PLEC: variants seen among roughly 807,000 people sequenced by gnomAD.
PLEC encodes the protein plectin.
PLEC carries 216 observed loss-of-function variants against 392.8 expected under a neutral mutation model. The observed-to-expected ratio is 0.55, with a 90% confidence interval of 0.49 to 0.62. PLEC has a LOEUF of 0.62. Ranked by LOEUF, PLEC falls within the 20% of genes least tolerant of loss-of-function variation. PLEC has a pLI of 0.00. For synonymous variants in PLEC, 3,621 were observed against 2,980.6 expected (o/e 1.21, Z -7.00); for missense variants, 6,863 against 6,563.4 (o/e 1.05, Z -1.58).
At position 143,916,026 on chromosome 8, in the gene PLEC, G is replaced by A. The variant is rs781910589; in HGVS notation, c.*151C>T. ...CCCCAAGATACAGGCTGTCTGGACA[G>A]CAGATATATATTAATATATTAGTCT... On this transcript the variant is annotated 3_prime_UTR_variant, in exon 32 of 32. Transcript: ENST00000345136. The A allele has an allele frequency of 2.0e-4, 116 of 570,814 alleles. No individual in the cohort carries two copies. Among genetic ancestry groups the A allele is most frequent in the Non-Finnish European group, 1.6e-4 (55 of 333,460 alleles). 35.4% of individuals were successfully genotyped at this position (570,814 alleles called of 1,614,324 possible).
At chr8:143,930,716 C>T (rs1332185613) in intron 19 of PLEC, among the ~76,000 whole-genome samples, 180 bp from the exon 20 acceptor site, 1 of 152,114 alleles carries the variant, frequency 6.6e-6, no homozygotes, top group Non-Finnish European at 1.5e-5. Flanking sequence ...CAGACCCATG[C>T]ACCCTCGCTC....
rs782746248 is a variant in PLEC at position 143,926,810 on chromosome 8, T to G, written c.4018A>C (p.Thr1340Pro). 1 of 1,613,556 alleles carries G rather than the reference T, an allele frequency of 6.2e-7. No individual in the cohort carries two copies. The highest frequency in any genetic ancestry group is 1.3e-5 in the African/African-American group (1 of 74,874). The change falls in exon 30 of 32, where the codon ACT becomes CCT. Residue 1340 changes from threonine (T) to proline (P), a missense_variant. By Grantham distance (38) the Thr-to-Pro change is conservative (BLOSUM62 -1). Coordinates refer to ENST00000345136, the MANE Select transcript of PLEC (RefSeq NM_201384.3). ...TCCTCCTCCTCCATGCGCCGCAGAG[T>G]CTCGCTGATGAACTTGATGTACTGG... ...TSQYIKFISE[T>P]LRRMEEEERL...
At chr8:143,960,955 C>G (rs1554740674) in intron 1 of PLEC, among the ~76,000 whole-genome samples, 1 of 152,234 alleles carries the variant, frequency 6.6e-6, no homozygotes, top group Non-Finnish European at 1.5e-5. Context: ...GGAGGCCTCC[C>G]GCTCTGCACG....
rs1554694120 is a variant in PLEC at position 143,923,772 on chromosome 8, C to T, written c.6157G>A (p.Ala2053Thr). The T allele has an allele frequency of 6.4e-7, 1 of 1,568,816 alleles. No individual in the cohort carries two copies. Among genetic ancestry groups the T allele is most frequent in the South Asian group, 1.1e-5 (1 of 87,268 alleles). ...AQKRLQAEEK[A>T]HAFAVQQKEQ... is the part of the protein sequence containing the mutation. ...TTCTGCTGCACCGCGAAGGCGTGTG[C>T]CTTCTCTTCCGCCTGCAGCCGCTTC... The change falls in exon 31 of 32, where the codon GCA (alanine) becomes ACA (threonine). Residue 2053 changes from alanine to threonine, a missense_variant. By Grantham distance (58) the Ala-to-Thr change is moderately conservative (BLOSUM62 0). Transcript: ENST00000345136.
intron 1 of PLEC, among the ~76,000 whole-genome samples, chr8:143,938,999 C>A (rs1554726219): frequency 1.3e-5 from 2 of 152,066 alleles, no homozygotes; most frequent in African/African-American, 4.8e-5. Context: ...CCTGCAGTCC[C>A]CCCCGGCCTC....
In PLEC at chr8:143,935,107, G is replaced by C; in HGVS notation, c.729C>G (p.Val243=). The C allele has an allele frequency of 6.2e-7, 1 of 1,612,988 alleles. No homozygotes were observed. Among genetic ancestry groups the C allele is most frequent in the Non-Finnish European group, 8.5e-7 (1 of 1,179,930 alleles). The change falls in exon 8 of 32, where the codon GTC becomes GTG. Residue 243 remains valine (V), a synonymous_variant. Coordinates refer to ENST00000345136, the MANE Select transcript of PLEC (RefSeq NM_201384.3). ...TGATGGACTTCTCGTCGGGCTGAGGGACATCCACGTCTGCAGGGAAGGGCA... is the reference window on the plus strand; with the variant it reads ...TGATGGACTTCTCGTCGGGCTGAGGCACATCCACGTCTGCAGGGAAGGGCA... ...TRLLDPEDVD[V]PQPDEKSIIT...
chr8:143,920,336 C>T lies in PLEC; in HGVS notation c.9485G>A (p.Cys3162Tyr). ...VPLDVACARG[C>Y]LDEETSRALS... ...GGCCCTGCTGGTCTCCTCATCCAGG[C>T]AGCCTCGGGCGCAGGCGACATCCAG... Residue 3162 changes from cysteine (C) to tyrosine (Y), a missense_variant, in exon 32 of 32, where the codon TGC (cysteine) becomes TAC (tyrosine). Transcript: ENST00000345136. The T allele has an allele frequency of 2.5e-6, 4 of 1,593,260 alleles. No individual in the cohort carries two copies. The South Asian group carries it at 3.3e-5, about 13-fold the overall frequency.
At position 143,917,377 on chromosome 8, in the gene PLEC, C is replaced by T. The variant is rs143548638; in HGVS notation, c.12444G>A (p.Thr4148=). 2.7e-4 allele frequency: 431 copies of T among 1,611,290 alleles called. No homozygotes were observed. The highest frequency in any genetic ancestry group is 3.3e-4 in the Non-Finnish European group (384 of 1,179,994). ...KRRVVIVDPE[T]GKEMSVYEAY... ...CCTCGTACACTGACATCTCCTTGCC[C>T]GTCTCGGGGTCCACGATGACCACTC... The change falls in exon 32 of 32, where the codon ACG becomes ACA. Residue 4148 remains threonine (T), a synonymous_variant. Transcript: ENST00000345136.
At position 143,932,426 on chromosome 8, in the gene PLEC, T is replaced by C. The variant is rs367673910; in HGVS notation, c.1951A>G (p.Met651Val). ...GAGTAGCTCTCCTTCTTGGCGGTCA[T>C]GTTGGTGTTGCGGTCGCTCCAGTCG... ...GFDWSDRNTN[M>V]TAKKESYSAL... The change falls in exon 16 of 32, where the codon ATG becomes GTG. Residue 651 changes from methionine to valine, a missense_variant. Met to Val is a conservative substitution (Grantham distance 21, BLOSUM62 1). Coordinates refer to ENST00000345136, the MANE Select transcript of PLEC (RefSeq NM_201384.3). 11 of 1,612,726 alleles carry C rather than the reference T, an allele frequency of 6.8e-6. No individual in the cohort carries two copies. The highest frequency in any genetic ancestry group is 9.3e-6 in the Non-Finnish European group (11 of 1,179,952).
intron 25 of PLEC, among the ~76,000 whole-genome samples, chr8:143,928,398 G>A (rs181445892): frequency 2.1e-3 from 315 of 152,380 alleles, no homozygotes; most frequent in African/African-American, 1.4e-3. Context: ...GGTAGCCAGC[G>A]GCGGCCCTAT....
Position 143,934,881 on chromosome 8 carries a change from G to T in PLEC, c.874C>A (p.Leu292Ile). 6.2e-7 allele frequency: 1 copy of T among 1,611,212 alleles called. No individual in the cohort carries two copies. Reference protein sequence around the residue: ...QEYRELVLLLLQWMRHHTAAF... With the variant: ...QEYRELVLLLIQWMRHHTAAF... ...GCCGTGTGGTGTCGCATCCACTGAA[G>T]CAGCAGCAGCACCAGCTCCCGGTAC... The change falls in exon 9 of 32, where the codon CTT becomes ATT. Residue 292 changes from leucine (L) to isoleucine (I), a missense_variant. Coordinates refer to ENST00000345136, the MANE Select transcript of PLEC (RefSeq NM_201384.3).
intron 25 of PLEC, 21 bp downstream of exon 25, chr8:143,929,082 C>A: frequency 6.4e-7 from 1 of 1,556,522 alleles, no homozygotes; most frequent in South Asian, 1.2e-5. Context: ...CAGCCCCTCG[C>A]CTGTGGCCAG....
intron 1 of PLEC, among the ~76,000 whole-genome samples, chr8:143,948,025 C>A (rs1319509976): frequency 6.6e-6 from 1 of 152,222 alleles, no homozygotes; most frequent in Non-Finnish European, 1.5e-5. Flanking sequence ...TCTGGAGCCC[C>A]CTGGGGCAGG....
upstream of PLEC, chr8:143,958,606 G>A (rs781888772): frequency 2.7e-5 from 12 of 443,410 alleles, 1 homozygote; most frequent in South Asian, 1.9e-4. This position sits in a 1 kb window ranked among gnomAD's most constrained non-coding sequence, Gnocchi z 4.9. Context: ...TCCAAGCACT[G>A]GACAACAGCA....
In PLEC at chr8:143,918,964, G is replaced by A. The variant is rs202083445; in HGVS notation, c.10857C>T (p.Ile3619=). 4 of 1,610,806 alleles carry A rather than the reference G, an allele frequency of 2.5e-6. No homozygotes were observed. The highest frequency in any genetic ancestry group is 1.1e-5 in the South Asian group (1 of 91,078). The change falls in exon 32 of 32, where the codon ATC becomes ATT. Residue 3619 remains isoleucine, a synonymous_variant. Coordinates refer to ENST00000345136, the MANE Select transcript of PLEC (RefSeq NM_201384.3). The part of the protein sequence containing the change: ...QAGRVTKERM[I]IIIIEIIEKT... Reference sequence around the variant, plus strand: ...TCTCAATGATCTCGATGATGATGATGATCATGCGTTCCTTGGTCACCCGGC... The same window carrying A: ...TCTCAATGATCTCGATGATGATGATAATCATGCGTTCCTTGGTCACCCGGC...
chr8:143,975,569 G>A (rs1833632749), upstream of PLEC, among the ~76,000 whole-genome samples: 1 of 151,138 alleles, frequency 6.6e-6, no homozygotes, highest in African/African-American at 2.4e-5. This position sits in a 1 kb window ranked among gnomAD's most constrained non-coding sequence, Gnocchi z 9.9. Flanking sequence ...CCCAGGCACT[G>A]ACTTACCCTC....
At chr8:143,972,132 CAG>C (rs1293308085) in intron 1 of PLEC, among the ~76,000 whole-genome samples, 1 of 152,226 alleles carries the variant, frequency 6.6e-6, no homozygotes, top group African/African-American at 2.4e-5. Flanking sequence ...GCACTTTGAA[CAG>C]AGTGGTCAGC....
In PLEC at chr8:143,930,489, C is replaced by T; in HGVS notation, c.2352G>A (p.Leu784=). The change falls in exon 20 of 32, where the codon CTG becomes CTA. Residue 784 remains leucine (L), a synonymous_variant. Coordinates refer to ENST00000345136, the MANE Select transcript of PLEC (RefSeq NM_201384.3). ...GCACGACGGCCTTGGCCCGCTTGGC[C>T]AGGCCTGAGAGGTGGCCCTTGTACT... ...LNEYKGHLSG[L]AKRAKAVVQL... The T allele has an allele frequency of 6.3e-7, 1 of 1,596,200 alleles. No homozygotes were observed.
intron 14 of PLEC, 28 bp downstream of exon 14, chr8:143,932,765 G>A (rs1554718068): frequency 5.0e-6 from 8 of 1,609,890 alleles, no homozygotes; most frequent in South Asian, 2.2e-5. Context: ...GCCCACCCCC[G>A]CACTGCCCAT....
Sources: gnomAD v4.1 joint callset for allele counts (sites outside exome capture counted in the v4.1 genomes callset) on GRCh38, gnomAD v4.1.1 for gene constraint, Gnocchi (gnomAD v3.1) non-coding constraint, MANE v1.5 for transcripts, NCBI Gene and HGNC (gene_info 2026-07-23, HGNC 2026-07-21) for gene names.